Variants in CDHR5 observed in about 807,000 individuals in gnomAD.
CDHR5 encodes cadherin related family member 5.
Under a neutral mutation model 69.5 loss-of-function variants are expected in CDHR5, and 82 were observed. That is an observed-to-expected ratio of 1.18 (90% CI 0.99 to 1.42). The LOEUF is 1.42. Ranked by LOEUF, CDHR5 falls within the 40% of genes most tolerant of loss-of-function variation. The pLI is 0.00. For synonymous variants in CDHR5, 601 were observed against 510.2 expected, an observed-to-expected ratio of 1.18 and a Z score of -2.40; for missense variants, 1,293 against 1,168.9, an observed-to-expected ratio of 1.11 and a Z score of -1.55.
At position 621,809 on chromosome 11, in the gene CDHR5, C is replaced by T. The variant is rs758522640; in HGVS notation, c.405+3G>A. On this transcript the variant is annotated splice_donor_region_variant and intron_variant, in intron 4 of 14. Coordinates refer to ENST00000397542, the MANE Select transcript of CDHR5 (RefSeq NM_021924.5). This position sits in a 1 kb window ranked among gnomAD's most constrained non-coding sequence, Gnocchi z 4.4. Reference sequence around the variant, plus strand: ...CCAGTCCCCGCGGCTTCGCTGGCCTCACCTCCTCCACCCTTATCTCCTTGG... The same window carrying T: ...CCAGTCCCCGCGGCTTCGCTGGCCTTACCTCCTCCACCCTTATCTCCTTGG... 7.4e-6 allele frequency: 12 copies of T among 1,612,360 alleles called. No homozygotes were observed. The East Asian group carries it at 1.6e-4, about 21-fold the overall frequency.
Position 617,379 on chromosome 11 carries a change from G to T in CDHR5, c.2510C>A (p.Ala837Glu). 1 of 1,609,152 alleles carries T rather than the reference G, an allele frequency of 6.2e-7. No individual in the cohort carries two copies. Among genetic ancestry groups the T allele is most frequent in the African/African-American group, 1.3e-5 (1 of 74,922 alleles). ...GATGTAGGAGTCATCACCACCGGGC[G>T]CATCGTAGGGACCCCCACCCCTCCC... ...GAGRGGGPYD[A>E]PGGDDSYI is the part of the protein sequence containing the mutation. Residue 837 changes from alanine (A) to glutamate (E), a missense_variant, in exon 15 of 15, where the codon GCG becomes GAG. Physicochemically the swap from Ala to Glu is moderately radical, Grantham distance 107. Transcript: ENST00000397542.
intron 3 of CDHR5, among the ~76,000 whole-genome samples, chr11:622,503 A>G (rs1343221292): frequency 2.0e-5 from 3 of 149,356 alleles, no homozygotes; most frequent in East Asian, 3.9e-4. Flanking sequence ...GTCGTCACCC[A>G]GGCTGGAGTA....
chr11:619,996 AGCCCTGACCCCCC>A (rs1347512824), intron 9 of CDHR5, 58 bp downstream of exon 9: 2 of 391,672 alleles, frequency 5.1e-6, no homozygotes, highest in Non-Finnish European at 8.7e-6. Context: ...CCGGCCCCCC[AGCCCTGACCCCCC>A]GCCCTACCTT....
At position 624,673 on chromosome 11, in the gene CDHR5, G is replaced by C. The variant is rs1488016457; in HGVS notation, c.145C>G (p.Leu49Val). The part of the protein sequence containing the change: ...VEENTNVTEP[L>V]VDIHVPEGQE... ...CCCTCCGGGACGTGGATGTCCACCA[G>C]CGGCTCGGTGACATTTGTGTTCTCC... The change falls in exon 2 of 15, where the codon CTG becomes GTG. Residue 49 changes from leucine (L) to valine (V), a missense_variant. By Grantham distance (32) the Leu-to-Val change is conservative. Transcript: ENST00000397542. The surrounding 1 kb of genome is among the most constrained non-coding windows in gnomAD (Gnocchi z 5.3). 4 of 1,613,372 alleles carry C rather than the reference G, an allele frequency of 2.5e-6. No individual in the cohort carries two copies. Among genetic ancestry groups the C allele is most frequent in the Non-Finnish European group, 3.4e-6 (4 of 1,179,592 alleles).
chr11:622,324 C>T (rs1180540966), intron 3 of CDHR5, among the ~76,000 whole-genome samples: 1 of 151,970 alleles, frequency 6.6e-6, no homozygotes, highest in Non-Finnish European at 1.5e-5. Flanking sequence ...TTTATAAAGC[C>T]AGGAGGTGGC....
In CDHR5 at chr11:620,361, C is replaced by T; in HGVS notation, c.815G>A (p.Gly272Glu). The change falls in exon 8 of 15, where the codon GGA (glycine) becomes GAA (glutamate). Residue 272 changes from glycine to glutamate, a missense_variant. By Grantham distance (98) the Gly-to-Glu change is moderately conservative. Coordinates refer to ENST00000397542, the MANE Select transcript of CDHR5 (RefSeq NM_021924.5). ...ILPSPLVLRP[G>E]PIYAEDGDRG... The stretch of plus-strand genomic sequence containing the variant: ...GTCTCCGTCCTCAGCGTAGATGGGT[C>T]CGGGACGCAGGACGAGGGGAGATGG... 6.2e-7 allele frequency: 1 copy of T among 1,610,754 alleles called. No individual in the cohort carries two copies. The highest frequency in any genetic ancestry group is 8.5e-7 in the Non-Finnish European group (1 of 1,177,934).
In CDHR5 at chr11:624,104, AT is replaced by A; in HGVS notation, c.312+108del. 1.5e-6 allele frequency: 1 copy of A among 665,164 alleles called. No homozygotes were observed. Among genetic ancestry groups the A allele is most frequent in the South Asian group, 1.6e-5 (1 of 60,752 alleles). 41.2% of individuals were successfully genotyped at this position (665,164 alleles called of 1,614,324 possible). A position where few individuals can be genotyped will look rare whatever the true frequency, so the allele number is the denominator to read the frequency against. ...TGGGCATCACCCTCGGGGGGGTGGA[AT>A]TTGAAACCACACCCTAGCTGACGTC... is the stretch of plus-strand genomic sequence containing the variant. On this transcript the variant is annotated intron_variant, in intron 3 of 14. Coordinates refer to ENST00000397542, the MANE Select transcript of CDHR5 (RefSeq NM_021924.5). This position sits in a 1 kb window ranked among gnomAD's most constrained non-coding sequence, Gnocchi z 5.3.
intron 3 of CDHR5, among the ~76,000 whole-genome samples, chr11:622,319 A>G (rs891763083): frequency 6.6e-6 from 1 of 152,190 alleles, no homozygotes. Context: ...AGGACTTTAT[A>G]AAGCCAGGAG....
rs909183786 is a variant in CDHR5 at position 617,108 on chromosome 11, C to T, written c.*243G>A. 3.9e-5 allele frequency: 21 copies of T among 541,570 alleles called. No homozygotes were observed. The highest frequency in any genetic ancestry group is 1.0e-4 in the Admixed American group (3 of 29,248). 33.5% of individuals were successfully genotyped at this position (541,570 alleles called of 1,614,324 possible). On this transcript the variant is annotated 3_prime_UTR_variant, in exon 15 of 15. Transcript: ENST00000397542. ...GGCGGCGGGCACTGCAGGTGGTTTA[C>T]GGGAAGTGCTGCAGCCTTGGGGTGG... is the stretch of plus-strand genomic sequence containing the variant.
rs775844448 is a variant in CDHR5, at chr11:624,549, G to A, written c.261+8C>T. The A allele has an allele frequency of 6.4e-5, 102 of 1,604,906 alleles. No individual in the cohort carries two copies. Among genetic ancestry groups the A allele is most frequent in the Middle Eastern group, 5.0e-4 (3 of 6,042 alleles). On this transcript the variant is annotated splice_region_variant and intron_variant, in intron 2 of 14. Transcript: ENST00000397542. This position sits in a 1 kb window ranked among gnomAD's most constrained non-coding sequence, Gnocchi z 5.3. ...GACCCCCATATCCCGCCCGCCTGCCGCCCACACCTCGTAATCAGGAGTCAC... is the reference window on the plus strand; with the variant it reads ...GACCCCCATATCCCGCCCGCCTGCCACCCACACCTCGTAATCAGGAGTCAC...
rs1206877956 is a variant in CDHR5 at position 619,312 on chromosome 11, A to AG, written c.1371dup (p.Ser458LeufsTer29). On this transcript the variant is annotated frameshift_variant, in exon 12 of 15. Transcript: ENST00000397542. LOFTEE classifies it high-confidence loss of function. ...CCTGTGGAGGGGGGCTTACCTGTGG[A>AG]GGGGGGCTCCTGTTCGGAAACTTGT... 6.2e-7 allele frequency: 1 copy of AG among 1,607,844 alleles called. No individual in the cohort carries two copies. The highest frequency in any genetic ancestry group is 1.3e-5 in the African/African-American group (1 of 74,474).
intron 13 of CDHR5, among the ~76,000 whole-genome samples, 177 bp from the exon 14 acceptor site, chr11:618,288 G>A (rs1857104999): frequency 6.6e-6 from 1 of 152,142 alleles, no homozygotes; most frequent in African/African-American, 2.4e-5. Context: ...TCGAGACCCT[G>A]CCCACCCCCT....
In CDHR5 at chr11:621,196, G is replaced by A. The variant is rs1458560081; in HGVS notation, c.673C>T (p.Leu225=). 4 of 1,604,960 alleles carry A rather than the reference G, an allele frequency of 2.5e-6. No individual in the cohort carries two copies. In the African/African-American group the frequency reaches 5.3e-5, roughly 21 times the overall value. ...PSHTATATLV[L]NVVPADLRPP... ...CGCAGGTCGGCGGGCACCACGTTCA[G>A]CACTAGTGTGGCGGTGGCAGTGTGG... is the stretch of plus-strand genomic sequence containing the variant. Residue 225 remains leucine (L), a synonymous_variant, in exon 7 of 15, where the codon CTG becomes TTG. Transcript: ENST00000397542. This position sits in a 1 kb window ranked among gnomAD's most constrained non-coding sequence, Gnocchi z 4.4.
chr11:617,656 C>G lies in CDHR5; in HGVS notation c.2233G>C (p.Ala745Pro). Reference sequence around the variant, plus strand: ...GCAGGGCCGGGGGGTGCGGGCTCTGCGGGCATCGGTGCCTCCGCGGGCTTG... The same window carrying G: ...GCAGGGCCGGGGGGTGCGGGCTCTGGGGGCATCGGTGCCTCCGCGGGCTTG... ...DPKPAEAPMP[A>P]EPAPPGPASP... is the part of the protein sequence containing the mutation. Residue 745 changes from alanine to proline, a missense_variant, in exon 15 of 15, where the codon GCA becomes CCA. By Grantham distance (27) the Ala-to-Pro change is conservative. Coordinates refer to ENST00000397542, the MANE Select transcript of CDHR5 (RefSeq NM_021924.5). The G allele has an allele frequency of 6.6e-7, 1 of 1,526,242 alleles. No individual in the cohort carries two copies. Among genetic ancestry groups the G allele is most frequent in the Non-Finnish European group, 8.8e-7 (1 of 1,140,712 alleles). The allele number at this position is 1,526,242 out of a possible 1,614,324, so 94.5% of individuals were successfully genotyped here.
In CDHR5 at chr11:617,710, C is replaced by A; in HGVS notation, c.2179G>T (p.Ala727Ser). Residue 727 changes from alanine (A) to serine (S), a missense_variant, in exon 15 of 15, where the codon GCG becomes TCG. Ala to Ser is a moderately conservative substitution (Grantham distance 99, BLOSUM62 1). Transcript: ENST00000397542. ...AFLPDHKANW[A>S]PVPSPTHDPK... ...TCGTGCGTGGGGCTGGGGACGGGCG[C>A]CCAGTTGGCCTTGTGGTCAGGGAGG... is the stretch of plus-strand genomic sequence containing the variant. 1 of 1,459,866 alleles carries A rather than the reference C, an allele frequency of 6.8e-7. No individual in the cohort carries two copies. Among genetic ancestry groups the A allele is most frequent in the Admixed American group, 2.7e-5 (1 of 36,842 alleles). The allele number at this position is 1,459,866 out of a possible 1,614,324, so 90.4% of individuals were successfully genotyped here. A position where few individuals can be genotyped will look rare whatever the true frequency, so the allele number is the denominator to read the frequency against.
intron 13 of CDHR5, among the ~76,000 whole-genome samples, 159 bp downstream of exon 13, chr11:618,440 G>A (rs776187477): frequency 2.0e-5 from 3 of 152,224 alleles, no homozygotes; most frequent in African/African-American, 7.2e-5. Context: ...TTACCTCACT[G>A]GGGGCCTTGG....
chr11:619,908 T>G, intron 9 of CDHR5, 27 bp from the exon 10 acceptor site: 1 of 1,509,782 alleles, frequency 6.6e-7, no homozygotes, highest in Non-Finnish European at 8.9e-7. Flanking sequence ...CAGCAGTGAC[T>G]AGTGGGGTTG....
chr11:621,051 C>T lies in CDHR5; in HGVS notation c.789+29G>A. 1.3e-6 allele frequency: 2 copies of T among 1,504,688 alleles called. No individual in the cohort carries two copies. The highest frequency in any genetic ancestry group is 1.8e-6 in the Non-Finnish European group (2 of 1,121,304). The allele number at this position is 1,504,688 out of a possible 1,614,324, so 93.2% of individuals were successfully genotyped here. On this transcript the variant is annotated intron_variant, in intron 7 of 14. Transcript: ENST00000397542. The surrounding 1 kb of genome is among the most constrained non-coding windows in gnomAD (Gnocchi z 4.4). ...GTCCAGCCTGCCTAGAAGGCCCTGCCCCGTGCACTGCCCCTCCCTCCCCAT... is the reference window on the plus strand; with the variant it reads ...GTCCAGCCTGCCTAGAAGGCCCTGCTCCGTGCACTGCCCCTCCCTCCCCAT...
Position 624,398 on chromosome 11 carries a change from C to A in CDHR5, c.262-135G>T. ...AGGGTGTGGGCCCAGGCAGCTTCAT[C>A]CCGAAATGGCCCAGCCTTCTAGGGC... On this transcript the variant is annotated intron_variant, in intron 2 of 14. Transcript: ENST00000397542. This position sits in a 1 kb window ranked among gnomAD's most constrained non-coding sequence, Gnocchi z 5.3. 3.7e-6 allele frequency: 3 copies of A among 808,008 alleles called. No homozygotes were observed. The highest frequency in any genetic ancestry group is 1.7e-5 in the African/African-American group (1 of 59,158). The allele number at this position is 808,008 out of a possible 1,614,324, so 50.1% of individuals were successfully genotyped here. A position where few individuals can be genotyped will look rare whatever the true frequency, so the allele number is the denominator to read the frequency against.
Sources: allele counts gnomAD v4.1 joint callset (sites outside exome capture counted in the v4.1 genomes callset), GRCh38; gene constraint gnomAD v4.1.1; non-coding constraint Gnocchi (gnomAD v3.1); transcripts MANE v1.5; gene names NCBI Gene and HGNC (gene_info 2026-07-23, HGNC 2026-07-21).